Variants in JCAD observed in about 807,000 individuals in gnomAD.
JCAD encodes junctional cadherin 5 associated.
A neutral mutation model predicts 98.0 loss-of-function variants in JCAD; 40 were observed. That is an observed-to-expected ratio of 0.41 (90% CI 0.32 to 0.53). JCAD has a LOEUF of 0.53. JCAD is among the 20% of genes least tolerant of loss of function. The probability of loss-of-function intolerance (pLI) is 0.31; values close to 1 mark genes in which losing one functional copy is unlikely to be tolerated. For missense variants in JCAD, 1,705 were observed against 1,738.1 expected (o/e 0.98, Z 0.34); for synonymous variants, 691 against 682.3 (o/e 1.01, Z -0.20).
At position 30,074,604 on chromosome 10, in the gene JCAD, G is replaced by A. The variant is rs141590548; in HGVS notation, n.129-4783C>T. Among the ~76,000 whole-genome samples, 215 of 152,314 alleles carry A rather than the reference G, an allele frequency of 1.4e-3. 2 individuals carry two copies. The East Asian group carries it at 0.023, about 17-fold the overall frequency. ...TCAGAGATTGAGTGCTTTCAGTGTG[G>A]TAGGGCTATAGATGAAAGGAGAATT... On this transcript the variant is annotated intron_variant and non_coding_transcript_variant, in intron 1 of 2. Coordinates refer to the JCAD transcript ENST00000465712.
intron 1 of JCAD, among the ~76,000 whole-genome samples, chr10:30,049,342 TG>T (rs1385972308): frequency 2.6e-5 from 4 of 152,226 alleles, no homozygotes; most frequent in Non-Finnish European, 5.9e-5. Flanking sequence ...AAACGCCTGC[TG>T]GCCCGTGTGC....
chr10:30,057,819 C>A (rs1037672867), intron 1 of JCAD, among the ~76,000 whole-genome samples: 17 of 152,184 alleles, frequency 1.1e-4, no homozygotes, highest in South Asian at 2.1e-4. Flanking sequence ...AAGAATTAGA[C>A]ACCTAATGTC....
chr10:30,082,520 C>T (rs747689669), intron 1 of JCAD, among the ~76,000 whole-genome samples: 1 of 151,994 alleles, frequency 6.6e-6, no homozygotes, highest in South Asian at 2.1e-4. Flanking sequence ...AGATCAAGAC[C>T]ATCCTGGCCA....
chr10:30,037,336 C>T lies in JCAD; in HGVS notation c.282-7470G>A, dbSNP rs187940742. The stretch of plus-strand genomic sequence containing the variant: ...TTTTGGAAAGGGGAAATCTGGGGTC[C>T]GGAGAAGATGAAGACTGAAGTATAG... On this transcript the variant is annotated intron_variant, in intron 2 of 3. Transcript: ENST00000375377. 2.6e-3 allele frequency among the ~76,000 whole-genome samples: 392 copies of T among 152,106 alleles called. 12 individuals carry two copies. Among genetic ancestry groups the T allele is most frequent in the Non-Finnish European group, 4.9e-4 (33 of 68,022 alleles).
Position 30,065,680 on chromosome 10 carries a change from C to T in JCAD, n.250+4020G>A, listed in dbSNP as rs553658199. 9.2e-5 allele frequency among the ~76,000 whole-genome samples: 14 copies of T among 152,058 alleles called. No individual in the cohort carries two copies. The South Asian group carries it at 2.9e-3, about 32-fold the overall frequency. On this transcript the variant is annotated intron_variant and non_coding_transcript_variant, in intron 2 of 2. Transcript: ENST00000465712. ...CATGCCCAGCTAATTTTTGTATCTT[C>T]TGCGGAGACGGGCTCTCCCTGTGTT...
rs914983717 is a variant in JCAD at position 30,017,700 on chromosome 10, G to A, written c.*183C>T. ...GGTTTCAACGGACGATTGCTTTATCGCCACAAAGCAATTCTGAGAGGATGG... is the reference window on the plus strand; with the variant it reads ...GGTTTCAACGGACGATTGCTTTATCACCACAAAGCAATTCTGAGAGGATGG... On this transcript the variant is annotated 3_prime_UTR_variant, in exon 4 of 4. Transcript: ENST00000375377. 4.7e-5 allele frequency: 30 copies of A among 645,024 alleles called. No homozygotes were observed. The highest frequency in any genetic ancestry group is 2.4e-4 in the South Asian group (13 of 54,588). 40.0% of individuals were successfully genotyped at this position (645,024 alleles called of 1,614,324 possible).
chr10:30,029,078 T>G lies in JCAD; in HGVS notation c.1070A>C (p.Tyr357Ser). Residue 357 changes from tyrosine (Y) to serine (S), a missense_variant, in exon 3 of 4, where the codon TAC (tyrosine) becomes TCC (serine). Tyr to Ser is a moderately radical substitution (Grantham distance 144). Coordinates refer to ENST00000375377, the MANE Select transcript of JCAD (RefSeq NM_020848.4). ...ATTTATGGGCACCGTGTCTTCCAAG[T>G]AGGGGTTTGGGATGTTCTGCGGGGG... is the stretch of plus-strand genomic sequence containing the variant. ...RSPPQNIPNP[Y>S]LEDTVPINVC... 1.2e-6 allele frequency: 2 copies of G among 1,613,816 alleles called. No homozygotes were observed. The highest frequency in any genetic ancestry group is 1.7e-6 in the Non-Finnish European group (2 of 1,179,944).
intron 1 of JCAD, among the ~76,000 whole-genome samples, chr10:30,088,815 C>G (rs10826762): frequency 0.43 from 65,502 of 151,660 alleles, 15,997 homozygotes; most frequent in African/African-American, 0.66. Flanking sequence ...TAAAAAAATA[C>G]AAAAATTAGC....
chr10:30,022,260 G>C (rs554456396), intron 3 of JCAD, among the ~76,000 whole-genome samples: 3 of 151,960 alleles, frequency 2.0e-5, no homozygotes, highest in African/African-American at 7.2e-5. Flanking sequence ...GTGTGTGTAG[G>C]GTGGGGTGGT....
At chr10:30,051,713 G>A (rs1038640398) in intron 1 of JCAD, among the ~76,000 whole-genome samples, 22 of 152,310 alleles carry the variant, frequency 1.4e-4, no homozygotes, top group African/African-American at 5.1e-4. Flanking sequence ...AAAGTGGATA[G>A]AGCGAGAACA....
intron 1 of JCAD, among the ~76,000 whole-genome samples, chr10:30,070,054 A>G (rs1231731731): frequency 6.6e-6 from 1 of 152,192 alleles, no homozygotes; most frequent in Non-Finnish European, 1.5e-5. Context: ...CACAAAAATC[A>G]AAACTTCTAC....
intron 1 of JCAD, among the ~76,000 whole-genome samples, chr10:30,104,284 G>A (rs1838526957): frequency 6.6e-6 from 1 of 152,162 alleles, no homozygotes; most frequent in Non-Finnish European, 1.5e-5. Context: ...TTGAGCAGAA[G>A]AGTAACTTTA....
chr10:30,026,167 C>T lies in JCAD; in HGVS notation c.3981G>A (p.Arg1327=). 6.2e-7 allele frequency: 1 copy of T among 1,614,060 alleles called. No individual in the cohort carries two copies. The highest frequency in any genetic ancestry group is 8.5e-7 in the Non-Finnish European group (1 of 1,180,050). Residue 1327 remains arginine, a synonymous_variant, in exon 3 of 4, where the codon AGG becomes AGA. Coordinates refer to ENST00000375377, the MANE Select transcript of JCAD (RefSeq NM_020848.4). The part of the protein sequence containing the change: ...SLSVSKDSIS[R]EEKEHPAAQK... Reference sequence around the variant, plus strand: ...GTGCTGCCGGATGCTCCTTCTCTTCCCTGGAGATGCTGTCCTTGGACACAG... The same window carrying T: ...GTGCTGCCGGATGCTCCTTCTCTTCTCTGGAGATGCTGTCCTTGGACACAG...
intron 2 of JCAD, among the ~76,000 whole-genome samples, chr10:30,033,370 T>C (rs554166575): frequency 1.3e-4 from 20 of 152,326 alleles, no homozygotes; most frequent in African/African-American, 4.8e-4. Flanking sequence ...AAACACGTGA[T>C]GTAGGTCTCA....
At chr10:30,071,153 C>T (rs1837879166) in intron 1 of JCAD, among the ~76,000 whole-genome samples, 4 of 152,164 alleles carry the variant, frequency 2.6e-5, no homozygotes. Context: ...GATCCATCTG[C>T]CTCGGCCTCC....
At position 30,026,113 on chromosome 10, in the gene JCAD, G is replaced by C. The variant is rs1836786145; in HGVS notation, c.4035C>G (p.Phe1345Leu). The C allele has an allele frequency of 1.2e-6, 2 of 1,614,054 alleles. No individual in the cohort carries two copies. Among genetic ancestry groups the C allele is most frequent in the East Asian group, 2.2e-5 (1 of 44,894 alleles). The change falls in exon 3 of 4, where the codon TTC becomes TTG. Residue 1345 changes from phenylalanine (F) to leucine (L), a missense_variant. Physicochemically the swap from Phe to Leu is conservative, Grantham distance 22 (BLOSUM62 0). Around this residue, in one of 3 missense-constraint regions of JCAD, gnomAD observed 1,278 missense variants for 1,243.1 expected, o/e 1.03. Coordinates refer to ENST00000375377, the MANE Select transcript of JCAD (RefSeq NM_020848.4). The part of the protein sequence containing the change: ...AQKEKSMDQD[F>L]WCPDSYDPSR... ...TGCCTGATTCCTCACCTGGGCACCA[G>C]AAGTCTTGATCCATGCTCTTCTCCT...
At chr10:30,104,764 T>C (rs902187552) in intron 1 of JCAD, among the ~76,000 whole-genome samples, 1 of 150,212 alleles carries the variant, frequency 6.7e-6, no homozygotes, top group Non-Finnish European at 1.5e-5. Flanking sequence ...AAACATATGC[T>C]TGTCAAAAGT....
chr10:30,020,000 A>AT (rs1274433231), intron 3 of JCAD, among the ~76,000 whole-genome samples: 4 of 152,020 alleles, frequency 2.6e-5, no homozygotes, highest in African/African-American at 4.8e-5. Context: ...AAAAAAAAAA[A>AT]AAAAGGAAAT....
rs774893519 is a variant in JCAD, at chr10:30,029,390, C to A, written c.758G>T (p.Arg253Ile). ...ATACGGTGGCATTTTAGGTGAATGTCTTTCATTTAATGGAATGGGAATTTC... is the reference window on the plus strand; with the variant it reads ...ATACGGTGGCATTTTAGGTGAATGTATTTCATTTAATGGAATGGGAATTTC... ...CTEIPIPLNE[R>I]HSPKMPPYPP... Residue 253 changes from arginine (R) to isoleucine (I), a missense_variant, in exon 3 of 4, where the codon AGA (arginine) becomes ATA (isoleucine). Physicochemically the swap from Arg to Ile is moderately conservative, Grantham distance 97. Coordinates refer to ENST00000375377, the MANE Select transcript of JCAD (RefSeq NM_020848.4). 1 of 1,613,874 alleles carries A rather than the reference C, an allele frequency of 6.2e-7. No homozygotes were observed. The highest frequency in any genetic ancestry group is 1.1e-5 in the South Asian group (1 of 91,050).
Sources: allele counts gnomAD v4.1 joint callset (sites outside exome capture counted in the v4.1 genomes callset), GRCh38; gene constraint gnomAD v4.1.1; regional missense constraint gnomAD v4.1.1; transcripts MANE v1.5; gene names NCBI Gene and HGNC (gene_info 2026-07-23, HGNC 2026-07-21).